The following USP45 variants were observed in gnomAD, a reference collection of about 807,000 sequenced individuals.
USP45 encodes the protein ubiquitin specific peptidase 45.
Under a neutral mutation model 95.8 loss-of-function variants are expected in USP45, and 89 were observed. The ratio of observed to expected loss-of-function variants is 0.93; its 90% confidence interval spans 0.78 to 1.11. USP45 has a LOEUF of 1.11. Ranked by LOEUF, USP45 falls within the 50% of genes least tolerant of loss-of-function variation. USP45 has a pLI of 0.00. For synonymous variants in USP45, 281 were observed against 316.2 expected, an observed-to-expected ratio of 0.89 and a Z score of 1.18; for missense variants, 898 against 942.5, an observed-to-expected ratio of 0.95 and a Z score of 0.62.
At chr6:99,483,913 T>G (rs922016470) in intron 7 of USP45, among the ~76,000 whole-genome samples, 1 of 150,708 alleles carries the variant, frequency 6.6e-6, no homozygotes, top group African/African-American at 2.4e-5. Flanking sequence ...TATTCCTATA[T>G]TCATGAAATA....
intron 13 of USP45, among the ~76,000 whole-genome samples, chr6:99,460,621 C>T (rs898315049): frequency 1.3e-5 from 2 of 152,170 alleles, no homozygotes; most frequent in South Asian, 2.1e-4. Context: ...CAGCGTTTTC[C>T]TCAAATCTAT....
intron 8 of USP45, 69 bp from the exon 9 acceptor site, chr6:99,476,299 C>CT: frequency 6.9e-7 from 1 of 1,444,390 alleles, no homozygotes; most frequent in Non-Finnish European, 9.7e-7. Flanking sequence ...ACACTCTTCT[C>CT]TAAATGCACT....
rs148077433 is a variant in USP45, at chr6:99,443,599, G to A, written c.2039C>T (p.Ala680Val). The change falls in exon 15 of 18, where the codon GCT becomes GTT. Residue 680 changes from alanine to valine, a missense_variant. Transcript: ENST00000500704. ...TCTTTTCAGGTGGAGAATTAGGACAGCTGGAACAGCAGAAATGAGCAATTG... is the reference window on the plus strand; with the variant it reads ...TCTTTTCAGGTGGAGAATTAGGACAACTGGAACAGCAGAAATGAGCAATTG... ...RKQLLISAVP[A>V]VLILHLKRFH... 6.4e-4 allele frequency: 1,026 copies of A among 1,609,308 alleles called. No homozygotes were observed. The highest frequency in any genetic ancestry group is 8.3e-4 in the Non-Finnish European group (975 of 1,177,282).
At position 99,450,083 on chromosome 6, in the gene USP45, G is replaced by T. The variant is rs146893993; in HGVS notation, c.1309-3620C>A. ...AATGCCCACAAGAGAAAGCAGGAAA[G>T]ATCTAAAATTGACACCCTAACATCA... On this transcript the variant is annotated intron_variant, in intron 13 of 17. Coordinates refer to ENST00000500704, the MANE Select transcript of USP45 (RefSeq NM_001346022.3). Among the ~76,000 whole-genome samples, 1,404 of 152,202 alleles carry T rather than the reference G, an allele frequency of 9.2e-3. 15 individuals carry two copies. The highest frequency in any genetic ancestry group is 0.033 in the African/African-American group (1,350 of 41,532).
At chr6:99,468,120 G>A (rs1027216554) in intron 10 of USP45, 20 of 454,950 alleles carry the variant, frequency 4.4e-5, no homozygotes, top group African/African-American at 3.2e-4. Flanking sequence ...TTCAATAAAC[G>A]GTTTATTTGC....
At chr6:99,465,172 A>C (rs1787614565) in intron 11 of USP45, 36 bp from the exon 12 acceptor site, 1 of 1,531,264 alleles carries the variant, frequency 6.5e-7, no homozygotes. Flanking sequence ...TTCAGTTAGA[A>C]TTCTAATATA....
chr6:99,510,335 G>T, intron 1 of USP45, 105 bp from the exon 2 acceptor site: 1 of 703,182 alleles, frequency 1.4e-6, no homozygotes, highest in Non-Finnish European at 2.4e-6. Context: ...AATTTCAACT[G>T]GTCCGGGAAA....
intron 7 of USP45, among the ~76,000 whole-genome samples, chr6:99,483,814 C>G (rs113883446): frequency 0.026 from 2,910 of 111,574 alleles, 78 homozygotes; most frequent in Non-Finnish European, 0.04. Flanking sequence ...GTCCGCAGTC[C>G]GGCCTGGGCG....
chr6:99,444,782 C>A (rs1228003339), intron 14 of USP45, among the ~76,000 whole-genome samples: 4 of 152,210 alleles, frequency 2.6e-5, no homozygotes, highest in Admixed American at 6.5e-5. Flanking sequence ...CCCTCACTCC[C>A]CTACCTCCTG....
intron 1 of USP45, among the ~76,000 whole-genome samples, chr6:99,513,494 T>C (rs947611631): frequency 6.6e-6 from 1 of 152,310 alleles, no homozygotes; most frequent in East Asian, 1.9e-4. Context: ...TGAAAAGAGA[T>C]AGGTATAACT....
intron 5 of USP45, chr6:99,501,870 G>A: frequency 8.2e-7 from 1 of 1,225,716 alleles, no homozygotes; most frequent in South Asian, 1.5e-5. Context: ...TAAATCCTCG[G>A]AATTTCCAGA....
chr6:99,476,454 A>G (rs1354323145), intron 8 of USP45, among the ~76,000 whole-genome samples: 1 of 152,110 alleles, frequency 6.6e-6, no homozygotes, highest in East Asian at 1.9e-4. Context: ...CAAAACACAC[A>G]CCCACACACA....
chr6:99,451,761 G>T (rs1432078711), intron 13 of USP45, among the ~76,000 whole-genome samples: 3 of 152,102 alleles, frequency 2.0e-5, no homozygotes, highest in Admixed American at 2.0e-4. Context: ...GAGGCATCAG[G>T]CTACCTGACT....
At chr6:99,493,228 G>A (rs1316410073) in intron 5 of USP45, among the ~76,000 whole-genome samples, 6 of 152,042 alleles carry the variant, frequency 3.9e-5, no homozygotes, top group South Asian at 4.1e-4. Context: ...GTTTCACCAC[G>A]TTGGCCAGGC....
intron 16 of USP45, among the ~76,000 whole-genome samples, chr6:99,438,323 A>G (rs1310776227): frequency 6.6e-6 from 1 of 152,178 alleles, no homozygotes; most frequent in Non-Finnish European, 1.5e-5. Context: ...ATGAAAATAT[A>G]CATGCCTGTC....
In USP45 at chr6:99,436,751, C is replaced by T. The variant is rs566582048; in HGVS notation, c.2314+495G>A. ...TCATCTCATATGACCTAGAAGGGTACAGTCTTCATAATATTTGAGATTTTC... is the reference window on the plus strand; with the variant it reads ...TCATCTCATATGACCTAGAAGGGTATAGTCTTCATAATATTTGAGATTTTC... On this transcript the variant is annotated intron_variant, in intron 17 of 17. Transcript: ENST00000500704. Among the ~76,000 whole-genome samples, 4 of 152,062 alleles carry T rather than the reference C, an allele frequency of 2.6e-5. No individual in the cohort carries two copies. In the South Asian group the frequency reaches 6.2e-4, roughly 24 times the overall value.
chr6:99,509,920 C>T (rs949072949), intron 2 of USP45, among the ~76,000 whole-genome samples: 6 of 152,106 alleles, frequency 3.9e-5, no homozygotes, highest in Admixed American at 6.6e-5. Flanking sequence ...CAGTGGGCCC[C>T]GTGGAATCTG....
At chr6:99,480,280 C>T (rs912350924) in intron 8 of USP45, among the ~76,000 whole-genome samples, 1 of 152,140 alleles carries the variant, frequency 6.6e-6, no homozygotes, top group Non-Finnish European at 1.5e-5. Flanking sequence ...AGATATCATA[C>T]ATGAAAAGAT....
chr6:99,502,774 T>C (rs1278604873), intron 5 of USP45, among the ~76,000 whole-genome samples: 1 of 152,200 alleles, frequency 6.6e-6, no homozygotes, highest in African/African-American at 2.4e-5. Flanking sequence ...GTTCTCATGA[T>C]AGTCAGTGTG....
Sources: allele counts gnomAD v4.1 joint callset (sites outside exome capture counted in the v4.1 genomes callset), GRCh38; gene constraint gnomAD v4.1.1; transcripts MANE v1.5; gene names NCBI Gene and HGNC (gene_info 2026-07-23, HGNC 2026-07-21).